GNB5: variants seen among roughly 807,000 people sequenced by gnomAD.
GNB5 encodes the protein G protein subunit beta 5, also known as guanine nucleotide-binding protein subunit beta-5.
A neutral mutation model predicts 55.3 loss-of-function variants in GNB5; 37 were observed. The observed-to-expected ratio is 0.67, with a 90% CI of 0.51 to 0.88. The LOEUF is 0.88. Among genes scored for constraint, GNB5 ranks in the 40% least tolerant of loss-of-function variants. The pLI is 0.00. For synonymous variants in GNB5, 219 were observed against 198.5 expected, an observed-to-expected ratio of 1.10 and a Z score of -0.87; for missense variants, 476 against 515.3, an observed-to-expected ratio of 0.92 and a Z score of 0.74.
rs201569600 is a variant in GNB5, at chr15:52,153,914, C to T, written c.375+26G>A. On this transcript the variant is annotated intron_variant, in intron 4 of 12. Transcript: ENST00000261837. ...AGCTATAAAATCCAAAACCCGCTCA[C>T]CTGTTATGCAGCAGGTGTGACATAC... 1.1e-4 allele frequency: 169 copies of T among 1,597,854 alleles called. No homozygotes were observed. The East Asian group carries it at 3.5e-3, about 33-fold the overall frequency.
chr15:52,154,114 G>A (rs191359930), intron 3 of GNB5, 38 bp from the exon 4 acceptor site: 4 of 1,602,466 alleles, frequency 2.5e-6, no homozygotes, highest in African/African-American at 2.7e-5. Flanking sequence ...CCTTGCTAAG[G>A]ACCAGGTTCT....
chr15:52,155,228 T>C (rs1002434429), intron 3 of GNB5, among the ~76,000 whole-genome samples: 1 of 152,166 alleles, frequency 6.6e-6, no homozygotes, highest in African/African-American at 2.4e-5. Flanking sequence ...GGAAACAGCC[T>C]ACGCAAACAG....
chr15:52,189,571 C>A (rs116027063), intron 1 of GNB5, among the ~76,000 whole-genome samples: 2 of 152,196 alleles, frequency 1.3e-5, no homozygotes, highest in Admixed American at 6.5e-5. Context: ...TGCAGTGAGA[C>A]TCCGTCTCAG....
intron 9 of GNB5, among the ~76,000 whole-genome samples, chr15:52,130,002 G>A (rs1229134769): frequency 6.6e-6 from 1 of 152,184 alleles, no homozygotes; most frequent in Non-Finnish European, 1.5e-5. Flanking sequence ...ATCATGTTCT[G>A]GCTAATGGGA....
rs180952502 is a variant in GNB5, at chr15:52,186,161, C to G, written c.-18-1467G>C. 8.0e-4 allele frequency among the ~76,000 whole-genome samples: 122 copies of G among 152,288 alleles called. 3 individuals carry two copies. In the South Asian group the frequency reaches 0.015, roughly 19 times the overall value. ...CCACACTGGACACTATAACCCACAC[C>G]CTGTAGTGTAACAATGTATAACCAG... On this transcript the variant is annotated intron_variant, in intron 1 of 12. Coordinates refer to ENST00000261837, the MANE Select transcript of GNB5 (RefSeq NM_016194.4).
At chr15:52,170,934 T>TA (rs35962330) in intron 3 of GNB5, among the ~76,000 whole-genome samples, 22,418 of 147,166 alleles carry the variant, frequency 0.15, 1,883 homozygotes, top group Admixed American at 0.26. Context: ...GGCTAAACTA[T>TA]AAAAAAAAAA....
At chr15:52,168,969 G>A (rs892501930) in intron 3 of GNB5, among the ~76,000 whole-genome samples, 1 of 152,134 alleles carries the variant, frequency 6.6e-6, no homozygotes, top group Non-Finnish European at 1.5e-5. Context: ...AAAAATTAAT[G>A]CAAGATGGAT....
intron 9 of GNB5, among the ~76,000 whole-genome samples, chr15:52,129,093 T>C (rs1047557865): frequency 2.0e-5 from 3 of 151,912 alleles, no homozygotes; most frequent in Non-Finnish European, 4.4e-5. Context: ...GTAGCTGGGA[T>C]TACAGGTGTA....
In GNB5 at chr15:52,120,731, T is replaced by C. The variant is rs2033246762; in HGVS notation, c.*2026A>G. On this transcript the variant is annotated 3_prime_UTR_variant, in exon 13 of 13. Coordinates refer to ENST00000261837, the MANE Select transcript of GNB5 (RefSeq NM_016194.4). ...TCTGGAGCAGAGCTCAGGAATCCCATGGTGCCCTGACCCCTTCAGCACCTG... is the reference window on the plus strand; with the variant it reads ...TCTGGAGCAGAGCTCAGGAATCCCACGGTGCCCTGACCCCTTCAGCACCTG... 6.6e-6 allele frequency: 1 copy of C among 152,148 alleles called. No homozygotes were observed. The highest frequency in any genetic ancestry group is 1.5e-5 in the Non-Finnish European group (1 of 68,056). 9.4% of individuals were successfully genotyped at this position (152,148 alleles called of 1,614,324 possible).
At chr15:52,175,698 C>T (rs1345850802) in intron 3 of GNB5, among the ~76,000 whole-genome samples, 3 of 151,354 alleles carry the variant, frequency 2.0e-5, no homozygotes, top group African/African-American at 7.3e-5. Flanking sequence ...GAGATTGTGC[C>T]ACTGGACTCT....
intron 3 of GNB5, among the ~76,000 whole-genome samples, chr15:52,158,997 G>A (rs1316760898): frequency 6.6e-6 from 1 of 152,154 alleles, no homozygotes; most frequent in East Asian, 1.9e-4. Flanking sequence ...TGGTATCTGA[G>A]CTCAGTCGAA....
At chr15:52,180,755 C>T (rs900492129) in intron 2 of GNB5, 1 of 152,266 alleles carries the variant, frequency 6.6e-6, no homozygotes, top group Non-Finnish European at 1.5e-5. Context: ...GAAGCATCCC[C>T]TCTCCGCAAG....
intron 7 of GNB5, 107 bp from the exon 8 acceptor site, chr15:52,135,863 A>G (rs909330786): frequency 3.0e-6 from 2 of 673,658 alleles, no homozygotes; most frequent in Non-Finnish European, 5.1e-6. Flanking sequence ...ACACACACAC[A>G]CACACACACA....
rs190432484 is a variant in GNB5, at chr15:52,147,482, T to A, written c.471A>T (p.Pro157=). 1.2e-4 allele frequency: 200 copies of A among 1,605,370 alleles called. 1 individual carries two copies. In the East Asian group the frequency reaches 4.3e-3, roughly 35 times the overall value. ...ACCCACAAGCAATGGCACATCCCGA[T>A]GGGGCATAAGCACATGCCATCACCC... is the stretch of plus-strand genomic sequence containing the variant. ...CTWVMACAYA[P]SGCAIACGGL... is the part of the protein sequence containing the mutation. Residue 157 remains proline, a synonymous_variant, in exon 6 of 13, where the codon CCA becomes CCT. Transcript: ENST00000261837.
rs751263225 is a variant in GNB5 at position 52,136,113 on chromosome 15, A to AACACACACACAC, written c.628-369_628-358dup. 5.9e-3 allele frequency among the ~76,000 whole-genome samples: 298 copies of AACACACACACAC among 50,720 alleles called. 11 individuals are homozygous for AACACACACACAC. The highest frequency in any genetic ancestry group is 8.0e-3 in the East Asian group (7 of 874). The allele number at this position is 50,720 out of a possible 152,430, so 33.3% of individuals were successfully genotyped here. On this transcript the variant is annotated intron_variant, in intron 7 of 12. Transcript: ENST00000261837. ...CACACACACACAGGGAAAAGCAGAA[A>AACACACACACAC]ACACACACACACACACACACACACA...
chr15:52,191,245 G>A (rs2034923007), intron 1 of GNB5, 77 bp downstream of exon 1: 1 of 152,180 alleles, frequency 6.6e-6, no homozygotes, highest in Non-Finnish European at 1.5e-5. Flanking sequence ...CTAACACTGT[G>A]CCCTGTACTC....
At chr15:52,124,295 G>A (rs956940134) in intron 12 of GNB5, among the ~76,000 whole-genome samples, 178 bp downstream of exon 12, 2 of 152,210 alleles carry the variant, frequency 1.3e-5, no homozygotes, top group African/African-American at 4.8e-5. Flanking sequence ...TGCAGCACTC[G>A]CTACCTCTCC....
chr15:52,163,468 G>A (rs1354193979), intron 3 of GNB5, among the ~76,000 whole-genome samples: 4 of 152,302 alleles, frequency 2.6e-5, no homozygotes, highest in African/African-American at 7.2e-5. Context: ...CGTTGGAGAC[G>A]GCCTGAGACG....
chr15:52,132,185 T>C (rs1436651523), intron 9 of GNB5, among the ~76,000 whole-genome samples: 1 of 152,170 alleles, frequency 6.6e-6, no homozygotes, highest in East Asian at 1.9e-4. Flanking sequence ...AACAGGCTGA[T>C]AGCCTGGCTA....
Sources: gnomAD v4.1 joint callset for allele counts (sites outside exome capture counted in the v4.1 genomes callset) on GRCh38, gnomAD v4.1.1 for gene constraint, MANE v1.5 for transcripts, NCBI Gene and HGNC (gene_info 2026-07-23, HGNC 2026-07-21) for gene names.